ANO10: variants seen among roughly 807,000 people sequenced by gnomAD.
The protein encoded by ANO10 is anoctamin 10.
A neutral mutation model predicts 74.7 loss-of-function variants in ANO10; 77 were observed. The ratio of observed to expected loss-of-function variants is 1.03; its 90% CI spans 0.86 to 1.25. The LOEUF is 1.25. Ranked by LOEUF, ANO10 falls within the 50% of genes most tolerant of loss-of-function variation. ANO10 has a pLI of 0.00. For synonymous variants in ANO10, 279 were observed against 284.9 expected (o/e 0.98, Z 0.21); for missense variants, 721 against 778.1 (o/e 0.93, Z 0.87).
intron 11 of ANO10, among the ~76,000 whole-genome samples, chr3:43,545,400 GTCTC>G (rs1461843352): frequency 6.6e-6 from 1 of 151,886 alleles, no homozygotes; most frequent in Non-Finnish European, 1.5e-5. Flanking sequence ...TTTAGACAGA[GTCTC>G]TCTCTGTCGC....
chr3:43,501,152 A>C (rs1420734499), intron 11 of ANO10, among the ~76,000 whole-genome samples: 1 of 152,208 alleles, frequency 6.6e-6, no homozygotes, highest in Non-Finnish European at 1.5e-5. Flanking sequence ...CAGCATCTCC[A>C]TCTGGTGGGA....
At chr3:43,448,873 C>CT (rs35711363) in intron 11 of ANO10, among the ~76,000 whole-genome samples, 89,998 of 134,124 alleles carry the variant, frequency 0.67, 31,985 homozygotes, top group East Asian at 0.89. Flanking sequence ...TTCTTTCTTT[C>CT]TTTTTTTTTT....
intron 2 of ANO10, among the ~76,000 whole-genome samples, chr3:43,605,431 C>T (rs1397099310): frequency 6.6e-6 from 1 of 152,112 alleles, no homozygotes; most frequent in Non-Finnish European, 1.5e-5. Flanking sequence ...CTACTATGCA[C>T]CAAACAGTGT....
chr3:43,583,904 T>C (rs2149425433), intron 4 of ANO10, among the ~76,000 whole-genome samples: 1 of 152,318 alleles, frequency 6.6e-6, no homozygotes, highest in African/African-American at 2.4e-5. Flanking sequence ...TGCCAGGTGG[T>C]CCCATCAATC....
In ANO10 at chr3:43,565,669, A is replaced by G. The variant is rs768830099; in HGVS notation, c.1277T>C (p.Met426Thr). 4 of 1,584,136 alleles carry G rather than the reference A, an allele frequency of 2.5e-6. No homozygotes were observed. The highest frequency in any genetic ancestry group is 3.4e-6 in the Non-Finnish European group (4 of 1,164,248). The change falls in exon 8 of 13, where the codon ATG becomes ACG. Residue 426 changes from methionine (M) to threonine (T), a missense_variant. Physicochemically the swap from Met to Thr is moderately conservative, Grantham distance 81. Transcript: ENST00000292246. ...LFYIAFVLKD[M>T]KLLRQSLATL... is the part of the protein sequence containing the mutation. ...TTTACTTACCTGGCGCAAAAGCTTC[A>G]TATCTTTCAAGACAAAGGCAATATA... is the stretch of plus-strand genomic sequence containing the variant.
intron 4 of ANO10, among the ~76,000 whole-genome samples, chr3:43,582,749 T>C (rs2081318345): frequency 6.6e-6 from 1 of 152,202 alleles, no homozygotes; most frequent in Admixed American, 6.5e-5. Flanking sequence ...AAAAAGTATA[T>C]ACTCAAAGTA....
chr3:43,619,863 T>C (rs772289108), intron 1 of ANO10, among the ~76,000 whole-genome samples: 2 of 146,646 alleles, frequency 1.4e-5, no homozygotes, highest in Non-Finnish European at 1.5e-5. Flanking sequence ...GAGTGAGACC[T>C]TGTCCAAAAA....
chr3:43,505,437 A>G (rs2077259143), intron 11 of ANO10, among the ~76,000 whole-genome samples: 1 of 152,228 alleles, frequency 6.6e-6, no homozygotes, highest in Non-Finnish European at 1.5e-5. Context: ...TCGACTAAGA[A>G]GCATGTGTTT....
intron 11 of ANO10, among the ~76,000 whole-genome samples, chr3:43,469,376 G>A (rs890294123): frequency 3.3e-5 from 5 of 152,092 alleles, no homozygotes; most frequent in Admixed American, 6.5e-5. Context: ...TTTGCCCCGC[G>A]GACAATTCCT....
At chr3:43,612,996 T>C (rs149995977) in intron 1 of ANO10, among the ~76,000 whole-genome samples, 7,078 of 152,066 alleles carry the variant, frequency 0.047, 187 homozygotes, top group Non-Finnish European at 0.059. Context: ...GGTGGAACCT[T>C]GTCTCTACTA....
chr3:43,512,354 C>A (rs2077541010), intron 11 of ANO10, among the ~76,000 whole-genome samples: 2 of 152,138 alleles, frequency 1.3e-5, no homozygotes, highest in South Asian at 4.1e-4. Flanking sequence ...AATAAACACT[C>A]ATATAATTAA....
At chr3:43,592,020 C>T (rs1040679143) in intron 4 of ANO10, among the ~76,000 whole-genome samples, 2 of 152,208 alleles carry the variant, frequency 1.3e-5, no homozygotes, top group East Asian at 3.9e-4. Context: ...AGTCTGAGAT[C>T]GAACTGCAAG....
chr3:43,591,500 T>A (rs2081754461), intron 4 of ANO10, among the ~76,000 whole-genome samples: 1 of 152,124 alleles, frequency 6.6e-6, no homozygotes, highest in South Asian at 2.1e-4. Flanking sequence ...AACAAAAGAC[T>A]TGCCCCCACC....
chr3:43,630,509 G>C (rs541047751), intron 1 of ANO10, among the ~76,000 whole-genome samples: 38 of 152,276 alleles, frequency 2.5e-4, no homozygotes, highest in African/African-American at 8.9e-4. Flanking sequence ...GGGGAGTTTA[G>C]AATGTTAAGG....
chr3:43,609,624 T>C (rs1280371848), intron 1 of ANO10, among the ~76,000 whole-genome samples: 2 of 152,192 alleles, frequency 1.3e-5, no homozygotes, highest in Non-Finnish European at 2.9e-5. Flanking sequence ...AGTGTACTCA[T>C]ACAAACCTAG....
At chr3:43,564,580 G>C (rs7621271) in intron 8 of ANO10, among the ~76,000 whole-genome samples, 1 of 151,934 alleles carries the variant, frequency 6.6e-6, no homozygotes, top group African/African-American at 2.4e-5. Context: ...GCATTTTCCC[G>C]TATCATTAAA....
intron 11 of ANO10, among the ~76,000 whole-genome samples, chr3:43,542,491 T>C (rs1315992131): frequency 6.6e-6 from 1 of 152,186 alleles, no homozygotes; most frequent in Non-Finnish European, 1.5e-5. Flanking sequence ...GACAGAGTCA[T>C]ATGAACTAAT....
chr3:43,670,317 C>A (rs1054369542), intron 1 of ANO10, among the ~76,000 whole-genome samples: 24 of 127,108 alleles, frequency 1.9e-4, no homozygotes, highest in African/African-American at 6.7e-4. Flanking sequence ...CAGAGCAAGA[C>A]CCTTTCTTAA....
intron 11 of ANO10, among the ~76,000 whole-genome samples, chr3:43,514,752 A>G (rs1190295805): frequency 6.6e-6 from 1 of 152,230 alleles, no homozygotes. Context: ...AATAAATTTA[A>G]AAGTACTCAA....
Sources: gnomAD v4.1 joint callset for allele counts (sites outside exome capture counted in the v4.1 genomes callset) on GRCh38, gnomAD v4.1.1 for gene constraint, MANE v1.5 for transcripts, NCBI Gene and HGNC (gene_info 2026-07-23, HGNC 2026-07-21) for gene names.